The following ATXN2 variants were observed in gnomAD, a reference collection of about 807,000 sequenced individuals.
The protein encoded by ATXN2 is ataxin 2, also known as ataxin-2.
ATXN2 carries 37 observed loss-of-function variants against 138.6 expected under a neutral mutation model. That is an observed-to-expected ratio of 0.27 (90% confidence interval 0.21 to 0.35). The LOEUF is 0.35. ATXN2 is among the 10% of genes least tolerant of loss of function. The pLI is 1.00. For synonymous variants in ATXN2, 549 were observed against 543.7 expected, an observed-to-expected ratio of 1.01 and a Z score of -0.13; for missense variants, 1,216 against 1,480.3, an observed-to-expected ratio of 0.82 and a Z score of 2.93.
chr12:111,537,615 T>C (rs1387455648), intron 5 of ATXN2, among the ~76,000 whole-genome samples: 1 of 151,474 alleles, frequency 6.6e-6, no homozygotes, highest in African/African-American at 2.4e-5. Flanking sequence ...GGCTATATAT[T>C]ATATGATTCC....
At chr12:111,563,816 C>T (rs1470742129) in intron 1 of ATXN2, among the ~76,000 whole-genome samples, 1 of 152,148 alleles carries the variant, frequency 6.6e-6, no homozygotes, top group Non-Finnish European at 1.5e-5. Flanking sequence ...CTTAATCCTA[C>T]TCAGCCTTGA....
intron 1 of ATXN2, among the ~76,000 whole-genome samples, chr12:111,568,718 T>TCTAC (rs1468045830): frequency 6.6e-6 from 1 of 152,168 alleles, no homozygotes; most frequent in Non-Finnish European, 1.5e-5. Flanking sequence ...AACTATTATG[T>TCTAC]CTACCCGTTT....
chr12:111,567,425 G>A (rs923257859), intron 1 of ATXN2, among the ~76,000 whole-genome samples: 2 of 151,676 alleles, frequency 1.3e-5, no homozygotes, highest in African/African-American at 2.4e-5. Context: ...ACTTGAACCC[G>A]GAAGGCAGAG....
chr12:111,476,966 T>C (rs763849405), intron 18 of ATXN2, among the ~76,000 whole-genome samples: 1 of 152,276 alleles, frequency 6.6e-6, no homozygotes, highest in African/African-American at 2.4e-5. Context: ...AAAGAGAGAA[T>C]TGGCATAAGG....
chr12:111,533,747 G>T (rs1307837912), intron 5 of ATXN2, among the ~76,000 whole-genome samples: 1 of 152,120 alleles, frequency 6.6e-6, no homozygotes, highest in African/African-American at 2.4e-5. Context: ...GGCTGGTCTT[G>T]AACTCCTGAC....
At position 111,513,370 on chromosome 12, in the gene ATXN2, T is replaced by C; in HGVS notation, c.1545A>G (p.Ser515=). The change falls in exon 11 of 25, where the codon TCA becomes TCG. Residue 515 remains serine, a synonymous_variant. Coordinates refer to ENST00000673436, the MANE Select transcript of ATXN2 (RefSeq NM_001372574.1). Reference sequence around the variant, plus strand: ...AGTGTTACCTACCCCCACTGACCACTGATGACCACGTTCCCCCCGAGGGAC... The same window carrying C: ...AGTGTTACCTACCCCCACTGACCACCGATGACCACGTTCCCCCCGAGGGAC... The part of the protein sequence containing the change: ...RTSPSGGTWS[S]VVSGVPRLSP... The C allele has an allele frequency of 6.2e-7, 1 of 1,613,334 alleles. No homozygotes were observed.
chr12:111,565,098 C>A (rs916328998), intron 1 of ATXN2, among the ~76,000 whole-genome samples: 6 of 151,976 alleles, frequency 3.9e-5, no homozygotes, highest in African/African-American at 1.5e-4. Flanking sequence ...TAAGAAATGT[C>A]ATGAATGTCC....
chr12:111,504,830 T>G (rs1879002739), intron 14 of ATXN2, among the ~76,000 whole-genome samples: 1 of 152,100 alleles, frequency 6.6e-6, no homozygotes, highest in African/African-American at 2.4e-5. Flanking sequence ...TAATAACAAT[T>G]TGTTTCACTT....
chr12:111,584,894 G>A (rs1320281990), intron 1 of ATXN2, among the ~76,000 whole-genome samples: 6 of 152,018 alleles, frequency 3.9e-5, no homozygotes, highest in African/African-American at 7.2e-5. Context: ...ACTTGAACCC[G>A]GGAGGCAGAT....
At chr12:111,536,776 AGTTTT>A (rs927094870) in intron 5 of ATXN2, among the ~76,000 whole-genome samples, 2 of 131,236 alleles carry the variant, frequency 1.5e-5, no homozygotes, top group Admixed American at 7.7e-5. Context: ...GTCCACACGC[AGTTTT>A]TTTTTTTTTT....
chr12:111,526,281 G>A (rs556330243), intron 5 of ATXN2, among the ~76,000 whole-genome samples: 4 of 151,772 alleles, frequency 2.6e-5, no homozygotes, highest in South Asian at 4.2e-4. Context: ...GTTTGAACCC[G>A]GGAGGTGGAG....
At chr12:111,577,424 C>T (rs1424045709) in intron 1 of ATXN2, among the ~76,000 whole-genome samples, 1 of 151,850 alleles carries the variant, frequency 6.6e-6, no homozygotes, top group Non-Finnish European at 1.5e-5. Flanking sequence ...CGCCACCACA[C>T]CCGGTTAATT....
chr12:111,538,972 C>T (rs648997), intron 5 of ATXN2, among the ~76,000 whole-genome samples: 68,497 of 149,502 alleles, frequency 0.46, 21,947 homozygotes, highest in East Asian at 0.94. Flanking sequence ...AACAAGGTGA[C>T]AGATTCCACG....
At chr12:111,586,012 T>G (rs1382140633) in intron 1 of ATXN2, among the ~76,000 whole-genome samples, 2 of 151,884 alleles carry the variant, frequency 1.3e-5, no homozygotes, top group Non-Finnish European at 2.9e-5. Context: ...ACCACCTGCC[T>G]CAGCCTCCCA....
At position 111,509,610 on chromosome 12, in the gene ATXN2, G is replaced by C; in HGVS notation, c.1874C>G (p.Pro625Arg). The C allele has an allele frequency of 6.7e-7, 1 of 1,489,780 alleles. No individual in the cohort carries two copies. 92.3% of individuals were successfully genotyped at this position (1,489,780 alleles called of 1,614,324 possible). A position where few individuals can be genotyped will look rare whatever the true frequency, so the allele number is the denominator to read the frequency against. The change falls in exon 14 of 25, where the codon CCA (proline) becomes CGA (arginine). Residue 625 changes from proline to arginine, a missense_variant. Around this residue, in one of 4 missense-constraint regions of ATXN2, gnomAD observed 215 missense variants for 210.0 expected, o/e 1.02. Transcript: ENST00000673436. ...FSKAENKGIS[P>R]VVSEHRKQID... is the part of the protein sequence containing the mutation. ...CTGTTTTCTATGTTCAGAAACAACT[G>C]GTGATATACCTGTAAAATTAAGAAC...
At chr12:111,509,469 A>G in intron 14 of ATXN2, 80 bp downstream of exon 14, 5 of 822,448 alleles carry the variant, frequency 6.1e-6, no homozygotes, top group Non-Finnish European at 9.9e-6. Context: ...CTGTATACAT[A>G]ACGCATTTTT....
At chr12:111,496,070 C>T (rs934739589) in intron 14 of ATXN2, among the ~76,000 whole-genome samples, 29 of 151,942 alleles carry the variant, frequency 1.9e-4, no homozygotes, top group Non-Finnish European at 2.8e-4. Context: ...GGGAGGATTG[C>T]TTGAGCCAGG....
chr12:111,554,017 C>G (rs1882261541), intron 3 of ATXN2, 141 bp downstream of exon 3: 1 of 623,992 alleles, frequency 1.6e-6, no homozygotes, highest in African/African-American at 2.0e-5. Flanking sequence ...AAAAGGAGTT[C>G]TAATCTATTT....
At chr12:111,541,346 C>CTTTTTTTTTTTTTTTTTTTTTTTTATTT (rs62932861) in intron 5 of ATXN2, among the ~76,000 whole-genome samples, 1 of 67,448 alleles carries the variant, frequency 1.5e-5, no homozygotes, top group Non-Finnish European at 3.0e-5. Flanking sequence ...AGTTATAATT[C>CTTTTTTTTTTTTTTTTTTTTTTTTATTT]TTTTTTTTTT....
Sources: gnomAD v4.1 joint callset for allele counts (sites outside exome capture counted in the v4.1 genomes callset) on GRCh38, gnomAD v4.1.1 for gene constraint, gnomAD v4.1.1 regional missense constraint, MANE v1.5 for transcripts, NCBI Gene and HGNC (gene_info 2026-07-23, HGNC 2026-07-21) for gene names.